Variants in ZNF695 observed in about 807,000 individuals in gnomAD.
ZNF695 encodes zinc finger protein SBZF3.
A neutral mutation model predicts 11.2 loss-of-function variants in ZNF695; 11 were observed. The observed-to-expected ratio is 0.98, with a 90% CI of 0.62 to 1.62. The LOEUF (loss-of-function observed/expected upper bound fraction) is 1.62, where lower values mean the gene tolerates loss of function less well. ZNF695 is among the 40% of genes most tolerant of loss of function. The pLI is 0.00. For synonymous variants in ZNF695, 190 were observed against 201.4 expected (o/e 0.94, Z 0.48); for missense variants, 559 against 590.5 (o/e 0.95, Z 0.55).
chr1:246,945,811 T>C (rs1667719646), exon 6 of ZNF695: 5 of 1,550,146 alleles, frequency 3.2e-6, no homozygotes, highest in Non-Finnish European at 4.4e-6. Flanking sequence ...AGCAGCTCGA[T>C]GGTCGACGAC....
intron 4 of ZNF695, among the ~76,000 whole-genome samples, chr1:246,977,285 G>C (rs973022588): frequency 3.9e-5 from 6 of 152,184 alleles, no homozygotes; most frequent in African/African-American, 1.4e-4. Context: ...TTGAGACAGA[G>C]TCGGTCTGTC....
intron 4 of ZNF695, among the ~76,000 whole-genome samples, chr1:246,970,307 G>C (rs368801619): frequency 6.6e-6 from 1 of 151,364 alleles, no homozygotes; most frequent in African/African-American, 2.4e-5. Context: ...TGTAAAGTGT[G>C]ATCTCGGAGA....
intron 5 of ZNF695, among the ~76,000 whole-genome samples, chr1:246,958,348 G>A (rs944680430): frequency 6.6e-6 from 1 of 151,878 alleles, no homozygotes; most frequent in South Asian, 2.1e-4. Flanking sequence ...GTGAGCCACT[G>A]CACCCAGCCG....
In ZNF695 at chr1:246,985,677, T is replaced by C; in HGVS notation, c.*1290A>G. On this transcript the variant is annotated 3_prime_UTR_variant, in exon 4 of 4. Coordinates refer to ENST00000339986, the MANE Select transcript of ZNF695 (RefSeq NM_020394.5). ...CATTTCAAAATCCACTGAATTTTAT[T>C]ACCTTAATGTGCAATAGGAAAAACA... 1.0e-6 allele frequency: 1 copy of C among 985,438 alleles called. No homozygotes were observed. The highest frequency in any genetic ancestry group is 1.2e-6 in the Non-Finnish European group (1 of 829,920). The allele number at this position is 985,438 out of a possible 1,614,324, so 61.0% of individuals were successfully genotyped here.
intron 5 of ZNF695, among the ~76,000 whole-genome samples, chr1:246,949,968 T>C (rs1001861094): frequency 2.0e-5 from 3 of 152,308 alleles, no homozygotes; most frequent in East Asian, 1.9e-4. Flanking sequence ...ATATTTTTAT[T>C]ATCTTATGCC....
intron 4 of ZNF695, chr1:246,968,055 CCAAA>C (rs1668333606): frequency 1.3e-5 from 2 of 153,354 alleles, no homozygotes; most frequent in Admixed American, 6.5e-5. Flanking sequence ...ATTATGCTTT[CCAAA>C]CAGTCTCCCA....
At position 247,007,997 on chromosome 1, in the gene ZNF695, G is replaced by A. The variant is rs1246921671; in HGVS notation, c.-89C>T. ...GCGATGGAGCCTGCGGCAGTCACCCGGGACTCTCCGAGAGGCAGCAGACGG... is the reference window on the plus strand; with the variant it reads ...GCGATGGAGCCTGCGGCAGTCACCCAGGACTCTCCGAGAGGCAGCAGACGG... On this transcript the variant is annotated 5_prime_UTR_variant, in exon 1 of 4. Coordinates refer to ENST00000339986, the MANE Select transcript of ZNF695 (RefSeq NM_020394.5). 3.6e-6 allele frequency: 5 copies of A among 1,372,946 alleles called. No homozygotes were observed. The highest frequency in any genetic ancestry group is 2.9e-6 in the Non-Finnish European group (3 of 1,043,262). 85.0% of individuals were successfully genotyped at this position (1,372,946 alleles called of 1,614,324 possible). A position where few individuals can be genotyped will look rare whatever the true frequency, so the allele number is the denominator to read the frequency against.
In ZNF695 at chr1:246,986,912, G is replaced by A. The variant is rs1668865590; in HGVS notation, c.*55C>T. 5.9e-6 allele frequency: 9 copies of A among 1,517,048 alleles called. No homozygotes were observed. Among genetic ancestry groups the A allele is most frequent in the Middle Eastern group, 3.7e-4 (2 of 5,440 alleles). The allele number at this position is 1,517,048 out of a possible 1,614,324, so 94.0% of individuals were successfully genotyped here. A position where few individuals can be genotyped will look rare whatever the true frequency, so the allele number is the denominator to read the frequency against. ...TTCAGTAAAAATATTCTGCTGTGAA[G>A]TTGTGAATAGGTATTAAAGACTATG... On this transcript the variant is annotated 3_prime_UTR_variant, in exon 4 of 4. Coordinates refer to ENST00000339986, the MANE Select transcript of ZNF695 (RefSeq NM_020394.5).
At chr1:246,954,777 C>T (rs1667947818) in intron 5 of ZNF695, among the ~76,000 whole-genome samples, 2 of 152,114 alleles carry the variant, frequency 1.3e-5, no homozygotes, top group African/African-American at 4.8e-5. Flanking sequence ...GGTTTTCTTG[C>T]TCACTAAGTT....
At chr1:246,975,312 CT>C (rs1220501016) in intron 4 of ZNF695, among the ~76,000 whole-genome samples, 5 of 152,154 alleles carry the variant, frequency 3.3e-5, no homozygotes, top group Non-Finnish European at 7.3e-5. Flanking sequence ...CTTCGGAACA[CT>C]GATATCCACC....
intron 1 of ZNF695, among the ~76,000 whole-genome samples, chr1:247,000,525 TA>T (rs1346713363): frequency 6.6e-6 from 1 of 151,640 alleles, no homozygotes; most frequent in African/African-American, 2.4e-5. Context: ...AACAAATAAA[TA>T]AAAAATATAT....
At chr1:246,999,487 A>G in intron 2 of ZNF695, 47 bp from the exon 3 acceptor site, 3 of 1,465,012 alleles carry the variant, frequency 2.0e-6, no homozygotes, top group South Asian at 1.1e-5. Flanking sequence ...GGATTCTTTA[A>G]TCACCTTTTA....
At chr1:246,966,482 C>A (rs1668294448) in intron 5 of ZNF695, among the ~76,000 whole-genome samples, 1 of 151,140 alleles carries the variant, frequency 6.6e-6, no homozygotes, top group Non-Finnish European at 1.5e-5. Flanking sequence ...CTCCATCCCC[C>A]CACCAAAAAA....
At chr1:246,993,604 T>C (rs1669107166) in intron 3 of ZNF695, among the ~76,000 whole-genome samples, 1 of 152,024 alleles carries the variant, frequency 6.6e-6, no homozygotes, top group African/African-American at 2.4e-5. Context: ...TTACAATGTA[T>C]ACAAAGTATC....
intron 4 of ZNF695, chr1:246,969,174 C>G (rs1477213591): frequency 6.6e-6 from 1 of 152,226 alleles, no homozygotes; most frequent in African/African-American, 2.4e-5. Flanking sequence ...GTTCCAGTTT[C>G]AGATAATCTC....
intron 3 of ZNF695, among the ~76,000 whole-genome samples, chr1:246,994,374 C>T (rs1188821410): frequency 2.0e-5 from 3 of 151,878 alleles, no homozygotes; most frequent in African/African-American, 7.3e-5. Flanking sequence ...AACCCTGTCT[C>T]TACTAAAAAT....
chr1:246,999,798 T>C (rs954615693), intron 2 of ZNF695, 114 bp downstream of exon 2: 2 of 1,115,320 alleles, frequency 1.8e-6, no homozygotes, highest in Admixed American at 5.0e-5. Flanking sequence ...AAAGTTTTGT[T>C]TTCTACACCA....
At chr1:246,983,167 A>G (rs562096339), downstream of ZNF695, among the ~76,000 whole-genome samples, 98 of 150,400 alleles carry the variant, frequency 6.5e-4, 2 homozygotes, top group South Asian at 0.02. Context: ...TCGCGCCACT[A>G]CACTCCAGCC....
chr1:246,991,749 T>C (rs1669040179), intron 3 of ZNF695, among the ~76,000 whole-genome samples: 1 of 152,062 alleles, frequency 6.6e-6, no homozygotes, highest in South Asian at 2.1e-4. Flanking sequence ...TACCATATGA[T>C]CCAGCAATCC....
Sources: gnomAD v4.1 joint callset for allele counts (sites outside exome capture counted in the v4.1 genomes callset) on GRCh38, gnomAD v4.1.1 for gene constraint, MANE v1.5 for transcripts, NCBI Gene and HGNC (gene_info 2026-07-23, HGNC 2026-07-21) for gene names.